The following DLG2 variants were observed in gnomAD, a reference collection of about 807,000 sequenced individuals.
DLG2 encodes the protein discs large MAGUK scaffold protein 2.
A neutral mutation model predicts 132.5 loss-of-function variants in DLG2; 45 were observed. The observed-to-expected ratio is 0.34, with a 90% CI of 0.27 to 0.44. The LOEUF (loss-of-function observed/expected upper bound fraction) is 0.44. DLG2 is among the 20% of genes least tolerant of loss of function. The pLI is 1.00. For missense variants in DLG2, 1,045 were observed against 1,196.9 expected, an observed-to-expected ratio of 0.87 and a Z score of 1.87; for synonymous variants, 424 against 419.6, an observed-to-expected ratio of 1.01 and a Z score of -0.13.
chr11:84,004,193 T>C (rs1181777935), intron 11 of DLG2, among the ~76,000 whole-genome samples: 1 of 152,012 alleles, frequency 6.6e-6, no homozygotes, highest in Admixed American at 6.6e-5. Context: ...CTCAACAAAA[T>C]ACTAGCAAAC....
intron 18 of DLG2, among the ~76,000 whole-genome samples, chr11:83,707,418 C>G (rs1284296730): frequency 6.6e-6 from 1 of 152,182 alleles, no homozygotes; most frequent in East Asian, 1.9e-4. Flanking sequence ...GCCTATAATC[C>G]CAGCACTTTG....
chr11:83,878,749 A>G, intron 15 of DLG2, among the ~76,000 whole-genome samples: 1 of 152,186 alleles, frequency 6.6e-6, no homozygotes, highest in East Asian at 1.9e-4. Context: ...AATGAGCATG[A>G]GGGAGGCTCA....
At chr11:84,416,417 C>T (rs1174903903) in intron 7 of DLG2, among the ~76,000 whole-genome samples, 2 of 152,102 alleles carry the variant, frequency 1.3e-5, no homozygotes, top group African/African-American at 4.8e-5. Flanking sequence ...CAAAATGAAA[C>T]TGTCTTCTTC....
At chr11:83,627,054 C>G (rs918870281) in intron 19 of DLG2, among the ~76,000 whole-genome samples, 1 of 152,140 alleles carries the variant, frequency 6.6e-6, no homozygotes, top group African/African-American at 2.4e-5. Flanking sequence ...TCTGTGGTCT[C>G]TCTGTCTGAC....
intron 6 of DLG2, among the ~76,000 whole-genome samples, chr11:84,985,227 C>T (rs1414087222): frequency 6.6e-6 from 1 of 152,122 alleles, no homozygotes; most frequent in Admixed American, 6.5e-5. Flanking sequence ...TATGATAGGA[C>T]ACAAACTGAG....
In DLG2 at chr11:84,085,901, C is replaced by T. The variant is rs2096971093; in HGVS notation, c.749+13022G>A. On this transcript the variant is annotated intron_variant, in intron 10 of 27. Coordinates refer to ENST00000376104, the MANE Select transcript of DLG2 (RefSeq NM_001142699.3). ...ATTTGGAAAATTGGACCTTATAAAA[C>T]ACAACCTGAATTAATCCCCTAAATT... Among the ~76,000 whole-genome samples, 3 of 152,296 alleles carry T rather than the reference C, an allele frequency of 2.0e-5. No homozygotes were observed. In the South Asian group the frequency reaches 6.2e-4, roughly 32 times the overall value.
At chr11:84,020,814 A>T (rs1167656143) in intron 11 of DLG2, among the ~76,000 whole-genome samples, 3 of 152,182 alleles carry the variant, frequency 2.0e-5, no homozygotes, top group Non-Finnish European at 4.4e-5. Flanking sequence ...AACGATTGCC[A>T]TTAAAAGATT....
chr11:84,650,849 A>ATGTGTG (rs138640341), intron 6 of DLG2, among the ~76,000 whole-genome samples: 17 of 92,700 alleles, frequency 1.8e-4, no homozygotes, highest in African/African-American at 5.6e-4. Flanking sequence ...ACTTTCCTGT[A>ATGTGTG]TGTGTGTGTG....
chr11:84,855,299 G>C (rs1469024502), intron 6 of DLG2, among the ~76,000 whole-genome samples: 1 of 152,018 alleles, frequency 6.6e-6, no homozygotes, highest in Non-Finnish European at 1.5e-5. Flanking sequence ...TCATGAGCAA[G>C]GTTTTGGTAT....
chr11:84,018,974 G>T (rs1275595349), intron 11 of DLG2, among the ~76,000 whole-genome samples: 2 of 151,896 alleles, frequency 1.3e-5, no homozygotes, highest in African/African-American at 4.8e-5. Context: ...TCAGATTAGT[G>T]GTTACTTTCA....
intron 7 of DLG2, among the ~76,000 whole-genome samples, chr11:84,395,589 T>A (rs1486548193): frequency 6.6e-6 from 1 of 152,158 alleles, no homozygotes; most frequent in African/African-American, 2.4e-5. Flanking sequence ...TTCTAATTTT[T>A]GTATGTTTTC....
intron 11 of DLG2, among the ~76,000 whole-genome samples, chr11:84,037,472 T>G (rs1315965187): frequency 1.3e-5 from 2 of 152,130 alleles, no homozygotes; most frequent in Non-Finnish European, 2.9e-5. Flanking sequence ...TGATTCACTT[T>G]GGTTAATGTG....
chr11:84,497,225 T>A, intron 7 of DLG2, among the ~76,000 whole-genome samples: 1 of 152,160 alleles, frequency 6.6e-6, no homozygotes. Context: ...AAATAAATTG[T>A]TATGGGATTT....
intron 4 of DLG2, among the ~76,000 whole-genome samples, chr11:85,176,277 T>C (rs1237379404): frequency 1.3e-5 from 2 of 151,888 alleles, no homozygotes; most frequent in Non-Finnish European, 2.9e-5. Context: ...CCTAGAGCAA[T>C]GGAACAGAAT....
intron 18 of DLG2, among the ~76,000 whole-genome samples, chr11:83,742,297 T>C (rs2153721239): frequency 6.6e-6 from 1 of 151,554 alleles, no homozygotes; most frequent in East Asian, 1.9e-4. Context: ...AGTAATAATA[T>C]CATAACTATG....
chr11:85,386,572 G>C (rs2086343915), intron 3 of DLG2, among the ~76,000 whole-genome samples: 1 of 151,890 alleles, frequency 6.6e-6, no homozygotes, highest in Non-Finnish European at 1.5e-5. Context: ...CTTGCACATA[G>C]GTACATGACA....
At chr11:83,714,044 TCTA>T (rs1373604681) in intron 18 of DLG2, among the ~76,000 whole-genome samples, 4 of 152,220 alleles carry the variant, frequency 2.6e-5, no homozygotes, top group Non-Finnish European at 5.9e-5. Flanking sequence ...GACATATTTT[TCTA>T]CTAAGGGTCA....
intron 7 of DLG2, among the ~76,000 whole-genome samples, chr11:84,312,221 C>G (rs1567254145): frequency 2.0e-5 from 3 of 152,106 alleles, no homozygotes; most frequent in Non-Finnish European, 4.4e-5. Context: ...CTTGTAATCC[C>G]AACACTTTGG....
intron 18 of DLG2, among the ~76,000 whole-genome samples, chr11:83,759,667 G>T (rs755802450): frequency 6.6e-6 from 1 of 152,034 alleles, no homozygotes; most frequent in Non-Finnish European, 1.5e-5. Flanking sequence ...GGTTCCTGTT[G>T]ACACAAAATC....
Sources: gnomAD v4.1 joint callset for allele counts (sites outside exome capture counted in the v4.1 genomes callset) on GRCh38, gnomAD v4.1.1 for gene constraint, MANE v1.5 for transcripts, NCBI Gene and HGNC (gene_info 2026-07-23, HGNC 2026-07-21) for gene names.